Variants in LTBP1 observed in about 807,000 individuals in gnomAD.
The protein encoded by LTBP1 is latent transforming growth factor beta binding protein 1, also known as latent-transforming growth factor beta-binding protein 1.
Under a neutral mutation model 207.6 loss-of-function variants are expected in LTBP1, and 129 were observed. The observed-to-expected ratio is 0.62, with a 90% CI of 0.54 to 0.72. The LOEUF (loss-of-function observed/expected upper bound fraction) is 0.72. Among genes scored for constraint, LTBP1 ranks in the 30% least tolerant of loss-of-function variants. The pLI is 0.00. For missense variants in LTBP1, 2,281 were observed against 2,217.2 expected (o/e 1.03, Z -0.58); for synonymous variants, 963 against 833.7 (o/e 1.16, Z -2.67).
chr2:33,092,352 A>C (rs1451211744), intron 3 of LTBP1, among the ~76,000 whole-genome samples: 2 of 152,252 alleles, frequency 1.3e-5, no homozygotes, highest in African/African-American at 2.4e-5. Context: ...GCCATGATAA[A>C]GTTCTTTTTA....
At chr2:33,011,426 A>G (rs1251259238) in intron 2 of LTBP1, among the ~76,000 whole-genome samples, 1 of 152,176 alleles carries the variant, frequency 6.6e-6, no homozygotes, top group Non-Finnish European at 1.5e-5. Flanking sequence ...TAAAGAGGTA[A>G]TTAAGTTAAA....
At chr2:33,207,406 A>G (rs1470035323) in intron 7 of LTBP1, among the ~76,000 whole-genome samples, 1 of 152,184 alleles carries the variant, frequency 6.6e-6, no homozygotes, top group East Asian at 1.9e-4. Flanking sequence ...ACTTTGTAAA[A>G]TCAATAGCCT....
chr2:33,373,489 T>C (rs536380585), intron 31 of LTBP1, among the ~76,000 whole-genome samples: 13 of 152,302 alleles, frequency 8.5e-5, no homozygotes, highest in South Asian at 2.1e-4. Context: ...TGAGGATCTG[T>C]TGAGTCAAAG....
intron 26 of LTBP1, among the ~76,000 whole-genome samples, chr2:33,358,591 C>T (rs1178258937): frequency 6.6e-6 from 1 of 152,052 alleles, no homozygotes; most frequent in Non-Finnish European, 1.5e-5. Context: ...ATACTTACAA[C>T]TTTGTACATG....
intron 3 of LTBP1, among the ~76,000 whole-genome samples, chr2:33,068,557 A>G (rs2077633715): frequency 6.6e-6 from 1 of 152,094 alleles, no homozygotes; most frequent in Non-Finnish European, 1.5e-5. Context: ...CCTACAGAGT[A>G]TTTTCACTGC....
At chr2:33,266,456 T>C (rs2093179405) in intron 15 of LTBP1, among the ~76,000 whole-genome samples, 1 of 152,146 alleles carries the variant, frequency 6.6e-6, no homozygotes, top group South Asian at 2.1e-4. Flanking sequence ...AAGCCAGGAA[T>C]GGCCTGAAGC....
intron 5 of LTBP1, among the ~76,000 whole-genome samples, chr2:33,159,720 C>T (rs1454219721): frequency 2.0e-5 from 3 of 152,072 alleles, no homozygotes; most frequent in East Asian, 1.9e-4. Context: ...AGATTTGATT[C>T]GGAGCTGGAA....
intron 2 of LTBP1, among the ~76,000 whole-genome samples, chr2:32,992,766 G>A (rs1399845612): frequency 6.6e-6 from 1 of 152,144 alleles, no homozygotes; most frequent in African/African-American, 2.4e-5. Flanking sequence ...AATGTGATAG[G>A]CCTCAGGAGG....
intron 26 of LTBP1, among the ~76,000 whole-genome samples, chr2:33,356,191 T>C (rs1263058284): frequency 1.3e-5 from 2 of 151,794 alleles, no homozygotes; most frequent in Admixed American, 6.6e-5. Flanking sequence ...AGGGAAGAAA[T>C]GTAACAATGT....
At chr2:33,297,586 C>A (rs2093904117) in intron 20 of LTBP1, among the ~76,000 whole-genome samples, 1 of 152,046 alleles carries the variant, frequency 6.6e-6, no homozygotes, top group South Asian at 2.1e-4. Flanking sequence ...CACGTGCCAT[C>A]ACACCTGGCT....
intron 24 of LTBP1, among the ~76,000 whole-genome samples, chr2:33,316,983 TAA>T (rs1412294855): frequency 1.3e-5 from 2 of 152,124 alleles, no homozygotes; most frequent in Admixed American, 1.3e-4. Context: ...GAAAAAAAAA[TAA>T]GTGACCTCAA....
intron 5 of LTBP1, among the ~76,000 whole-genome samples, chr2:33,168,426 A>C (rs1199086540): frequency 1.3e-5 from 2 of 151,746 alleles, no homozygotes; most frequent in Non-Finnish European, 2.9e-5. Context: ...AGAAAAAAGA[A>C]AAAAAAGAAA....
At chr2:32,965,890 A>G (rs2148500248) in intron 2 of LTBP1, among the ~76,000 whole-genome samples, 1 of 152,318 alleles carries the variant, frequency 6.6e-6, no homozygotes, top group South Asian at 2.1e-4. Context: ...TTAGTTTGGT[A>G]AGAAGTGGAA....
intron 3 of LTBP1, among the ~76,000 whole-genome samples, chr2:33,050,212 A>G (rs925815417): frequency 2.7e-5 from 4 of 148,476 alleles, no homozygotes; most frequent in Non-Finnish European, 5.9e-5. Context: ...ATTGGTCTAC[A>G]GACAAAAACC....
At chr2:33,084,655 C>G (rs562806775) in intron 3 of LTBP1, among the ~76,000 whole-genome samples, 3 of 152,342 alleles carry the variant, frequency 2.0e-5, no homozygotes, top group Admixed American at 6.5e-5. Context: ...CAAGAGTTTC[C>G]TGTTTATTCT....
intron 3 of LTBP1, among the ~76,000 whole-genome samples, chr2:33,107,060 T>TG (rs1262812740): frequency 5.3e-5 from 8 of 152,204 alleles, no homozygotes; most frequent in Admixed American, 4.6e-4. Flanking sequence ...CCAGTGTACT[T>TG]GAACTACCGG....
intron 2 of LTBP1, among the ~76,000 whole-genome samples, chr2:33,014,651 A>G (rs1688120292): frequency 6.6e-6 from 1 of 152,210 alleles, no homozygotes; most frequent in African/African-American, 2.4e-5. Flanking sequence ...ACTAAGGGTT[A>G]CTTTTTTAGA....
At chr2:33,052,072 G>C (rs1021181260) in intron 3 of LTBP1, among the ~76,000 whole-genome samples, 2 of 152,210 alleles carry the variant, frequency 1.3e-5, no homozygotes, top group African/African-American at 4.8e-5. Context: ...TGGTCTCATA[G>C]CTGTGCCTTG....
chr2:33,045,626 GTAGT>G (rs1419518425), intron 3 of LTBP1, among the ~76,000 whole-genome samples: 1 of 151,598 alleles, frequency 6.6e-6, no homozygotes, highest in Admixed American at 6.6e-5. Flanking sequence ...GAAATTTAAA[GTAGT>G]TTTTTCTAAT....
Sources: gnomAD v4.1 joint callset for allele counts (sites outside exome capture counted in the v4.1 genomes callset) on GRCh38, gnomAD v4.1.1 for gene constraint, MANE v1.5 for transcripts, NCBI Gene and HGNC (gene_info 2026-07-23, HGNC 2026-07-21) for gene names.